The following DSCAM variants were observed in gnomAD, a reference collection of about 807,000 sequenced individuals.
The protein encoded by DSCAM is DS cell adhesion molecule, also known as cell adhesion molecule DSCAM.
A neutral mutation model predicts 217.7 loss-of-function variants in DSCAM; 47 were observed. The observed-to-expected ratio is 0.22, with a 90% CI of 0.17 to 0.28. The LOEUF (loss-of-function observed/expected upper bound fraction) is 0.28, where lower values mean the gene tolerates loss of function less well. Among genes scored for constraint, DSCAM ranks in the 10% least tolerant of loss-of-function variants. The probability of loss-of-function intolerance (pLI) is 1.00; values close to 1 mark genes in which losing one functional copy is unlikely to be tolerated. For missense variants in DSCAM, 2,080 were observed against 2,618.3 expected, an observed-to-expected ratio of 0.79 and a Z score of 4.49; for synonymous variants, 1,056 against 1,015.3, an observed-to-expected ratio of 1.04 and a Z score of -0.76.
intron 3 of DSCAM, among the ~76,000 whole-genome samples, chr21:40,602,376 G>A (rs993148272): frequency 1.3e-5 from 2 of 152,106 alleles, no homozygotes; most frequent in African/African-American, 4.8e-5. Context: ...TTATTTTTAG[G>A]AAGAGATTGC....
intron 3 of DSCAM, among the ~76,000 whole-genome samples, chr21:40,535,466 A>G (rs892527132): frequency 6.6e-6 from 1 of 152,218 alleles, no homozygotes; most frequent in African/African-American, 2.4e-5. Context: ...GCCTTTACCA[A>G]TCAGGATGTA....
chr21:40,571,165 A>G (rs1383000085), intron 3 of DSCAM, among the ~76,000 whole-genome samples: 1 of 152,148 alleles, frequency 6.6e-6, no homozygotes, highest in Non-Finnish European at 1.5e-5. Flanking sequence ...GAAGTATGAA[A>G]AGAATGATGG....
chr21:40,603,925 CTTTTT>C (rs3070814), intron 3 of DSCAM, among the ~76,000 whole-genome samples: 45 of 97,320 alleles, frequency 4.6e-4, no homozygotes, highest in Non-Finnish European at 8.9e-4. Flanking sequence ...TTTTGCATTT[CTTTTT>C]TTTTTTTTTT....
At chr21:40,035,573 T>TTCCC (rs1219170850) in intron 32 of DSCAM, among the ~76,000 whole-genome samples, 2 of 135,796 alleles carry the variant, frequency 1.5e-5, no homozygotes, top group African/African-American at 6.1e-5. Context: ...ATGGGAGACT[T>TTCCC]TAACACCCCA....
At chr21:40,819,615 C>G (rs886803912) in intron 1 of DSCAM, among the ~76,000 whole-genome samples, 1 of 152,178 alleles carries the variant, frequency 6.6e-6, no homozygotes, top group African/African-American at 2.4e-5. Context: ...GTGGGCCAAG[C>G]TGTTGTGATA....
At chr21:40,148,238 A>C (rs2146727346) in intron 16 of DSCAM, among the ~76,000 whole-genome samples, 1 of 152,290 alleles carries the variant, frequency 6.6e-6, no homozygotes. Context: ...TTCATGCAGA[A>C]TAAATTGTTG....
chr21:40,197,177 G>GTCGCAA (rs2091020511), intron 11 of DSCAM, among the ~76,000 whole-genome samples: 1 of 151,780 alleles, frequency 6.6e-6, no homozygotes, highest in East Asian at 1.9e-4. Context: ...GGAGTGCAGT[G>GTCGCAA]TCGCAATCTT....
At chr21:40,379,332 G>A (rs2074997142) in intron 3 of DSCAM, among the ~76,000 whole-genome samples, 1 of 152,216 alleles carries the variant, frequency 6.6e-6, no homozygotes, top group Non-Finnish European at 1.5e-5. Context: ...TATGGACACA[G>A]TAGACGTAAA....
intron 30 of DSCAM, among the ~76,000 whole-genome samples, chr21:40,046,749 G>A (rs1457735803): frequency 6.6e-6 from 1 of 151,384 alleles, no homozygotes; most frequent in Non-Finnish European, 1.5e-5. Context: ...TTCTGAGCAG[G>A]TTTACTTCTG....
At chr21:40,799,709 A>T (rs1254480165) in intron 1 of DSCAM, among the ~76,000 whole-genome samples, 1 of 152,188 alleles carries the variant, frequency 6.6e-6, no homozygotes, top group Non-Finnish European at 1.5e-5. Flanking sequence ...CCAACCTCTT[A>T]TTCCATCATC....
chr21:40,586,652 A>C (rs369265572), intron 3 of DSCAM, among the ~76,000 whole-genome samples: 42 of 152,340 alleles, frequency 2.8e-4, no homozygotes, highest in African/African-American at 9.9e-4. Flanking sequence ...GACAGCCTTA[A>C]GGTGCAAGAT....
chr21:40,665,809 G>T (rs1278811430), intron 3 of DSCAM, among the ~76,000 whole-genome samples: 1 of 152,166 alleles, frequency 6.6e-6, no homozygotes, highest in East Asian at 1.9e-4. Flanking sequence ...CTCACAGACA[G>T]ATACACCCCC....
rs199807503 is a variant in DSCAM at position 40,358,802 on chromosome 21, G to GAA, written c.656-5061_656-5060dup. Among the ~76,000 whole-genome samples the GAA allele has an allele frequency of 1.7e-3, 165 of 96,658 alleles. 2 individuals are homozygous for GAA. The highest frequency in any genetic ancestry group is 5.2e-3 in the African/African-American group (149 of 28,684). The allele number at this position is 96,658 out of a possible 152,430, so 63.4% of individuals were successfully genotyped here. A position where few individuals can be genotyped will look rare whatever the true frequency, so the allele number is the denominator to read the frequency against. ...GGGCAACAAAGCAAGACTCCATCTCGAAAAAAAAAAAAAAAAATTAAGAAC... is the reference window on the plus strand; with the variant it reads ...GGGCAACAAAGCAAGACTCCATCTCGAAAAAAAAAAAAAAAAAAATTAAGAAC... On this transcript the variant is annotated intron_variant, in intron 4 of 32. Transcript: ENST00000400454.
intron 3 of DSCAM, among the ~76,000 whole-genome samples, chr21:40,657,931 A>G (rs1247962159): frequency 1.3e-5 from 2 of 152,226 alleles, no homozygotes; most frequent in Admixed American, 1.3e-4. Flanking sequence ...TTACAAAAGT[A>G]AATAAAATAA....
intron 3 of DSCAM, among the ~76,000 whole-genome samples, chr21:40,577,963 C>G (rs917813710): frequency 6.6e-6 from 1 of 152,072 alleles, no homozygotes; most frequent in Non-Finnish European, 1.5e-5. Context: ...GAAGGGGCTG[C>G]CAGTCAAAGA....
At chr21:40,285,773 A>G (rs1466300078) in intron 10 of DSCAM, among the ~76,000 whole-genome samples, 1 of 152,142 alleles carries the variant, frequency 6.6e-6, no homozygotes, top group Non-Finnish European at 1.5e-5. Context: ...TATTTTTACC[A>G]TGTGTGCCAT....
chr21:40,096,731 T>C (rs1204557631), intron 20 of DSCAM, among the ~76,000 whole-genome samples: 2 of 151,380 alleles, frequency 1.3e-5, no homozygotes, highest in Non-Finnish European at 2.9e-5. Flanking sequence ...CCAAGGAGCA[T>C]CATAATCAAA....
At chr21:40,650,446 AGT>A (rs1303818854) in intron 3 of DSCAM, among the ~76,000 whole-genome samples, 2 of 152,244 alleles carry the variant, frequency 1.3e-5, no homozygotes, top group African/African-American at 4.8e-5. Context: ...TGTCTGTGAA[AGT>A]GTTTTCAGAA....
chr21:40,655,438 C>CTGT, intron 3 of DSCAM, among the ~76,000 whole-genome samples: 1 of 132,502 alleles, frequency 7.5e-6, no homozygotes, highest in East Asian at 2.3e-4. Context: ...TCCCTTCAAT[C>CTGT]TGTCTCTCTT....
Sources: allele counts gnomAD v4.1 joint callset (sites outside exome capture counted in the v4.1 genomes callset), GRCh38; gene constraint gnomAD v4.1.1; transcripts MANE v1.5; gene names NCBI Gene and HGNC (gene_info 2026-07-23, HGNC 2026-07-21).